DENND2B: variants seen among roughly 807,000 people sequenced by gnomAD.
DENND2B encodes DENN domain containing 2B.
A neutral mutation model predicts 116.0 loss-of-function variants in DENND2B; 32 were observed. The observed-to-expected ratio is 0.28, with a 90% CI of 0.21 to 0.37. The LOEUF (loss-of-function observed/expected upper bound fraction) is 0.37. Among genes scored for constraint, DENND2B ranks in the 10% least tolerant of loss-of-function variants. The pLI, the probability that DENND2B is intolerant of heterozygous loss-of-function variation, is 1.00. For missense variants in DENND2B, 1,276 were observed against 1,477.7 expected (o/e 0.86, Z 2.24); for synonymous variants, 588 against 583.9 (o/e 1.01, Z -0.10).
chr11:8,698,473 A>G (rs1428711759), intron 16 of DENND2B, among the ~76,000 whole-genome samples: 1 of 152,250 alleles, frequency 6.6e-6, no homozygotes, highest in Admixed American at 6.5e-5. Context: ...TCCTTTGTAG[A>G]GAGCCAGGAG....
rs191126931 is a variant in DENND2B, at chr11:8,786,766, T to C, written c.-26+23751A>G. ...TCGAGGCTTCAAGGCTGCAGTGATC[T>C]TGACTGCGCCACTGCACTCCAGCCT... On this transcript the variant is annotated intron_variant, in intron 1 of 19. Coordinates refer to ENST00000313726, the MANE Select transcript of DENND2B (RefSeq NM_213618.2). Among the ~76,000 whole-genome samples, 803 of 152,282 alleles carry C rather than the reference T, an allele frequency of 5.3e-3. 6 individuals carry two copies. Among genetic ancestry groups the C allele is most frequent in the African/African-American group, 0.018 (737 of 41,554 alleles).
intron 1 of DENND2B, among the ~76,000 whole-genome samples, chr11:8,883,988 G>GTTCTA (rs1334621260): frequency 6.6e-6 from 1 of 152,170 alleles, no homozygotes; most frequent in Non-Finnish European, 1.5e-5. Flanking sequence ...GCCCTCAATG[G>GTTCTA]TTCTATAGCC....
intron 1 of DENND2B, among the ~76,000 whole-genome samples, chr11:8,770,126 T>C (rs1407413076): frequency 6.6e-6 from 1 of 152,222 alleles, no homozygotes. Flanking sequence ...CTGCATTAAG[T>C]ATGAGCCCAG....
chr11:8,873,620 G>A (rs2063814618), upstream of DENND2B, among the ~76,000 whole-genome samples: 1 of 152,180 alleles, frequency 6.6e-6, no homozygotes, highest in Admixed American at 6.5e-5. Context: ...TTAACGTAAT[G>A]TTCACATCAC....
chr11:8,752,104 A>G (rs947347670), intron 1 of DENND2B, among the ~76,000 whole-genome samples: 2 of 152,242 alleles, frequency 1.3e-5, no homozygotes, highest in Non-Finnish European at 2.9e-5. Context: ...GTGTGATAAT[A>G]AGTGTACCTT....
intron 1 of DENND2B, among the ~76,000 whole-genome samples, chr11:8,765,125 G>T (rs2055447711): frequency 6.6e-6 from 1 of 152,024 alleles, no homozygotes; most frequent in African/African-American, 2.4e-5. Flanking sequence ...TCTAGGGAAA[G>T]GGGCTCACAC....
At chr11:8,829,982 T>C (rs1167182277) in intron 4 of DENND2B, among the ~76,000 whole-genome samples, 1 of 152,238 alleles carries the variant, frequency 6.6e-6, no homozygotes, top group Non-Finnish European at 1.5e-5. Context: ...TCATCCTTCA[T>C]GTCAGTCCTG....
intron 4 of DENND2B, among the ~76,000 whole-genome samples, chr11:8,818,560 C>T (rs2061657786): frequency 6.6e-6 from 1 of 152,032 alleles, no homozygotes; most frequent in South Asian, 2.1e-4. Flanking sequence ...CCTAGCTCCC[C>T]TCATTCTCCC....
chr11:8,701,299 C>A (rs939230174), intron 14 of DENND2B, among the ~76,000 whole-genome samples: 4 of 142,148 alleles, frequency 2.8e-5, no homozygotes, highest in Non-Finnish European at 6.0e-5. Context: ...ACATCAGGCG[C>A]CCTACATTCG....
chr11:8,701,803 C>T (rs1193968183), intron 14 of DENND2B, among the ~76,000 whole-genome samples: 5 of 152,172 alleles, frequency 3.3e-5, no homozygotes, highest in Non-Finnish European at 7.3e-5. Context: ...TCTGCCACCC[C>T]TCCCATGGCC....
intron 1 of DENND2B, among the ~76,000 whole-genome samples, chr11:8,774,525 C>T (rs990225665): frequency 1.3e-5 from 2 of 152,176 alleles, no homozygotes; most frequent in Non-Finnish European, 2.9e-5. Context: ...CTCTCAAAAT[C>T]GCCACAGAAG....
intron 13 of DENND2B, among the ~76,000 whole-genome samples, chr11:8,704,238 G>A (rs2042201432): frequency 6.6e-6 from 1 of 152,216 alleles, no homozygotes; most frequent in Non-Finnish European, 1.5e-5. Context: ...GGACAGGCAG[G>A]ACATCTAGAA....
At chr11:8,762,340 G>A (rs571824094) in intron 1 of DENND2B, among the ~76,000 whole-genome samples, 6 of 152,152 alleles carry the variant, frequency 3.9e-5, no homozygotes, top group Non-Finnish European at 7.4e-5. Flanking sequence ...CACACCTGCT[G>A]TACCCTGTAA....
intron 17 of DENND2B, 32 bp downstream of exon 17, chr11:8,697,493 C>T (rs756289128): frequency 2.2e-5 from 35 of 1,561,716 alleles, no homozygotes; most frequent in African/African-American, 2.7e-5. Flanking sequence ...GAGCCTGGAG[C>T]AGAGCTGACC....
At chr11:8,790,141 A>G (rs866407443) in intron 1 of DENND2B, among the ~76,000 whole-genome samples, 2 of 152,078 alleles carry the variant, frequency 1.3e-5, no homozygotes, top group Non-Finnish European at 2.9e-5. Flanking sequence ...AAATCCTTCT[A>G]CCTGGAATGC....
intron 3 of DENND2B, among the ~76,000 whole-genome samples, chr11:8,848,848 C>A (rs1316398706): frequency 1.1e-4 from 17 of 150,992 alleles, no homozygotes; most frequent in Admixed American, 9.2e-4. Context: ...TACTGAGTAC[C>A]AGGTATTGCT....
chr11:8,743,874 G>A (rs2050718179), intron 2 of DENND2B, among the ~76,000 whole-genome samples: 1 of 151,534 alleles, frequency 6.6e-6, no homozygotes, highest in Non-Finnish European at 1.5e-5. Flanking sequence ...AGCCTCCAGA[G>A]GAGCTGGGAC....
intron 1 of DENND2B, among the ~76,000 whole-genome samples, chr11:8,893,789 G>A (rs1393474589): frequency 3.3e-5 from 5 of 152,100 alleles, no homozygotes; most frequent in South Asian, 2.1e-4. Context: ...TCATGGATAG[G>A]AAGAATCAAT....
chr11:8,906,282 T>G (rs1047903245), intron 1 of DENND2B, among the ~76,000 whole-genome samples: 1 of 148,056 alleles, frequency 6.8e-6, no homozygotes, highest in Non-Finnish European at 1.5e-5. Context: ...CTTGGCTCAC[T>G]GCAAGCTCTG....
Sources: allele counts gnomAD v4.1 joint callset (sites outside exome capture counted in the v4.1 genomes callset), GRCh38; gene constraint gnomAD v4.1.1; transcripts MANE v1.5; gene names NCBI Gene and HGNC (gene_info 2026-07-23, HGNC 2026-07-21).